NCEH1: variants seen among roughly 807,000 people sequenced by gnomAD.
NCEH1 encodes 2-acetyl MAGE hydrolase.
Under a neutral mutation model 25.4 loss-of-function variants are expected in NCEH1, and 9 were observed. That is an observed-to-expected ratio of 0.35 (90% confidence interval 0.21 to 0.62). The LOEUF (loss-of-function observed/expected upper bound fraction) is 0.62. Ranked by LOEUF, NCEH1 falls within the 20% of genes least tolerant of loss-of-function variation. NCEH1 has a pLI of 0.72. For missense variants in NCEH1, 412 were observed against 501.1 expected (o/e 0.82, Z 1.70); for synonymous variants, 200 against 199.8 (o/e 1.00, Z -0.01).
rs1001445102 is a variant in NCEH1 at position 172,631,037 on chromosome 3, G to C, written c.*2438C>G. 1.3e-5 allele frequency: 2 copies of C among 151,328 alleles called. No individual in the cohort carries two copies. Among genetic ancestry groups the C allele is most frequent in the African/African-American group, 4.9e-5 (2 of 41,220 alleles). 9.4% of individuals were successfully genotyped at this position (151,328 alleles called of 1,614,324 possible). On this transcript the variant is annotated 3_prime_UTR_variant, in exon 5 of 5. Coordinates refer to ENST00000475381, the MANE Select transcript of NCEH1 (RefSeq NM_020792.6). ...AGTACTAAAAAAAAAAAATCAATCTGCAGAGTGTAAACATTTTTTATAAGA... is the reference window on the plus strand; with the variant it reads ...AGTACTAAAAAAAAAAAATCAATCTCCAGAGTGTAAACATTTTTTATAAGA...
intron 1 of NCEH1, among the ~76,000 whole-genome samples, chr3:172,662,633 C>A (rs1285946088): frequency 6.6e-6 from 1 of 152,184 alleles, no homozygotes; most frequent in Non-Finnish European, 1.5e-5. Context: ...ATTATTGCCT[C>A]AATTTCAGAA....
chr3:172,710,772 G>A, intron 1 of NCEH1, 75 bp downstream of exon 1: 2 of 1,541,254 alleles, frequency 1.3e-6, no homozygotes, highest in Admixed American at 1.9e-5. Flanking sequence ...GTGGAACCCG[G>A]CGGAGGAATT....
At chr3:172,650,726 C>T (rs1192669926) in intron 1 of NCEH1, among the ~76,000 whole-genome samples, 3 of 144,086 alleles carry the variant, frequency 2.1e-5, no homozygotes, top group Admixed American at 1.4e-4. Flanking sequence ...GTAAGCGAAT[C>T]GCTTGAACCC....
rs1168379743 is a variant in NCEH1, at chr3:172,632,651, G to A, written c.*824C>T. The A allele has an allele frequency of 6.6e-6, 1 of 152,308 alleles. No homozygotes were observed. The highest frequency in any genetic ancestry group is 2.4e-5 in the African/African-American group (1 of 41,402). 9.4% of individuals were successfully genotyped at this position (152,308 alleles called of 1,614,324 possible). A position where few individuals can be genotyped will look rare whatever the true frequency, so the allele number is the denominator to read the frequency against. On this transcript the variant is annotated 3_prime_UTR_variant, in exon 5 of 5. Transcript: ENST00000475381. Reference sequence around the variant, plus strand: ...GTATTTTTATGTGAAACACTAGGTTGTTTCATTTGTCTGTTTTTACTTGCT... The same window carrying A: ...GTATTTTTATGTGAAACACTAGGTTATTTCATTTGTCTGTTTTTACTTGCT...
chr3:172,664,317 G>A (rs1470319572), intron 1 of NCEH1, among the ~76,000 whole-genome samples: 4 of 152,200 alleles, frequency 2.6e-5, no homozygotes, highest in African/African-American at 9.7e-5. Flanking sequence ...TAGAGTTTCT[G>A]CAGAGAGATC....
chr3:172,702,892 T>TGA (rs1713776005), intron 1 of NCEH1, among the ~76,000 whole-genome samples: 2 of 152,140 alleles, frequency 1.3e-5, no homozygotes, highest in Admixed American at 1.3e-4. Context: ...CTCAAAAGGC[T>TGA]GAGGCAGGAG....
intron 2 of NCEH1, 107 bp downstream of exon 2, chr3:172,647,779 C>T (rs1177216603): frequency 1.1e-5 from 16 of 1,460,046 alleles, no homozygotes; most frequent in Non-Finnish European, 1.5e-5. Context: ...CCAGGGGAAC[C>T]TAGATAAATG....
chr3:172,652,412 A>C (rs1404188021), intron 1 of NCEH1, among the ~76,000 whole-genome samples: 4 of 152,238 alleles, frequency 2.6e-5, no homozygotes, highest in African/African-American at 9.6e-5. Context: ...CTCAGGACAA[A>C]CTGTAAGGAT....
At chr3:172,665,989 C>A (rs936737987) in intron 1 of NCEH1, among the ~76,000 whole-genome samples, 5 of 152,158 alleles carry the variant, frequency 3.3e-5, no homozygotes, top group African/African-American at 1.2e-4. Flanking sequence ...GTGGCTGCAC[C>A]CACTGTCCAA....
chr3:172,652,587 C>A (rs1431135320), intron 1 of NCEH1, among the ~76,000 whole-genome samples: 1 of 152,176 alleles, frequency 6.6e-6, no homozygotes, highest in Non-Finnish European at 1.5e-5. Context: ...AAGTTTCCTA[C>A]CTAAAGGATG....
chr3:172,633,439 CAAGAGGG>C lies in NCEH1; in HGVS notation c.*29_*35del. On this transcript the variant is annotated 3_prime_UTR_variant, in exon 5 of 5. Coordinates refer to ENST00000475381, the MANE Select transcript of NCEH1 (RefSeq NM_020792.6). ...TCTTTCCAAAGCAGGTGTAGGAGGTCAAGAGGGGCTCGAGGCTTCTGGAAGTTTTGCT... is the reference window on the plus strand; with the variant it reads ...TCTTTCCAAAGCAGGTGTAGGAGGTCGCTCGAGGCTTCTGGAAGTTTTGCT... 6.3e-7 allele frequency: 1 copy of C among 1,587,690 alleles called. No homozygotes were observed. Among genetic ancestry groups the C allele is most frequent in the South Asian group, 1.2e-5 (1 of 85,808 alleles).
At chr3:172,671,524 C>CACACAT in intron 1 of NCEH1, among the ~76,000 whole-genome samples, 1 of 148,682 alleles carries the variant, frequency 6.7e-6, no homozygotes, top group East Asian at 1.9e-4. Context: ...CACACACACA[C>CACACAT]ACACATATAT....
chr3:172,646,499 G>A (rs887011900), intron 2 of NCEH1, among the ~76,000 whole-genome samples: 4 of 152,110 alleles, frequency 2.6e-5, no homozygotes, highest in Admixed American at 2.0e-4. Context: ...ATTTCTTAGA[G>A]GATTCCAAAG....
intron 3 of NCEH1, among the ~76,000 whole-genome samples, chr3:172,639,246 C>T (rs545796367): frequency 2.1e-4 from 31 of 145,712 alleles, no homozygotes; most frequent in African/African-American, 8.0e-4. Flanking sequence ...TGCAGTGAGC[C>T]GAGATCACGC....
chr3:172,674,119 T>C (rs1711804162), intron 1 of NCEH1, among the ~76,000 whole-genome samples: 1 of 152,152 alleles, frequency 6.6e-6, no homozygotes, highest in Non-Finnish European at 1.5e-5. Flanking sequence ...GTGGTATTAA[T>C]AGAACATCTT....
At chr3:172,656,961 T>C (rs1202391006) in intron 1 of NCEH1, among the ~76,000 whole-genome samples, 2 of 152,152 alleles carry the variant, frequency 1.3e-5, no homozygotes, top group African/African-American at 2.4e-5. Context: ...CTTGAAACTT[T>C]CTTCCCTCTT....
At chr3:172,638,218 C>G (rs1352545576) in intron 3 of NCEH1, among the ~76,000 whole-genome samples, 1 of 121,204 alleles carries the variant, frequency 8.3e-6, no homozygotes, top group Non-Finnish European at 1.6e-5. Context: ...GCGGAGCTTG[C>G]AGTGAGCTGA....
At chr3:172,669,772 C>T (rs1380946271) in intron 1 of NCEH1, among the ~76,000 whole-genome samples, 1 of 152,148 alleles carries the variant, frequency 6.6e-6, no homozygotes, top group East Asian at 1.9e-4. Flanking sequence ...CCTGACCTCA[C>T]GTGATCCACC....
chr3:172,661,482 TTAAAG>T (rs1400378034), intron 1 of NCEH1, among the ~76,000 whole-genome samples: 1 of 152,200 alleles, frequency 6.6e-6, no homozygotes, highest in Non-Finnish European at 1.5e-5. Flanking sequence ...CATATGAACT[TTAAAG>T]TATTTTTTTC....
Sources: allele counts gnomAD v4.1 joint callset (sites outside exome capture counted in the v4.1 genomes callset), GRCh38; gene constraint gnomAD v4.1.1; transcripts MANE v1.5; gene names NCBI Gene and HGNC (gene_info 2026-07-23, HGNC 2026-07-21).